Variants in XKR9 observed in about 807,000 individuals in gnomAD.
XKR9 encodes XK related 9, also known as XK-related protein 9.
XKR9 carries 32 observed loss-of-function variants against 32.0 expected under a neutral mutation model. The ratio of observed to expected loss-of-function variants is 1.00; its 90% CI spans 0.76 to 1.34. The LOEUF (loss-of-function observed/expected upper bound fraction) is 1.34, where lower values mean the gene tolerates loss of function less well. Ranked by LOEUF, XKR9 falls within the 40% of genes most tolerant of loss-of-function variation. XKR9 has a pLI of 0.00. For missense variants in XKR9, 546 were observed against 429.7 expected (o/e 1.27, Z -2.39); for synonymous variants, 168 against 143.4 (o/e 1.17, Z -1.22).
At chr8:70,767,844 T>C (rs1807399772) in intron 2 of XKR9, among the ~76,000 whole-genome samples, 1 of 152,086 alleles carries the variant, frequency 6.6e-6, no homozygotes, top group Admixed American at 6.6e-5. Flanking sequence ...GCTAGTGGCC[T>C]ATCTATTTTG....
chr8:70,877,923 A>T, the XKR9 span, among the ~76,000 whole-genome samples: 1 of 152,214 alleles, frequency 6.6e-6, no homozygotes, highest in East Asian at 1.9e-4. Context: ...AGGTCGAGTT[A>T]CTCACAAAGG....
At chr8:70,933,797 A>T in the XKR9 span, among the ~76,000 whole-genome samples, 1 of 152,064 alleles carries the variant, frequency 6.6e-6, no homozygotes, top group Non-Finnish European at 1.5e-5. Context: ...ACATCCACAC[A>T]AGAGTAGAAT....
At chr8:70,986,472 G>T in the XKR9 span, among the ~76,000 whole-genome samples, 1 of 152,172 alleles carries the variant, frequency 6.6e-6, no homozygotes, top group Non-Finnish European at 1.5e-5. Flanking sequence ...TCCTTGACCT[G>T]TGCAGAGTAA....
chr8:70,822,322 A>C, the XKR9 span, among the ~76,000 whole-genome samples: 1 of 152,012 alleles, frequency 6.6e-6, no homozygotes, highest in Admixed American at 6.6e-5. Context: ...TAGGGGTTTA[A>C]TTAGAGATTT....
At chr8:70,870,367 A>G in the XKR9 span, among the ~76,000 whole-genome samples, 9,586 of 152,306 alleles carry the variant, frequency 0.063, 422 homozygotes, top group Non-Finnish European at 0.089. Context: ...AAAAGTGACT[A>G]CATTCCAGAG....
At chr8:71,027,723 T>C in the XKR9 span, among the ~76,000 whole-genome samples, 5,137 of 151,268 alleles carry the variant, frequency 0.034, 118 homozygotes, top group South Asian at 0.074. Context: ...TCTTTTGTGG[T>C]TTCATATACA....
chr8:70,829,483 C>T, the XKR9 span, among the ~76,000 whole-genome samples: 3 of 152,318 alleles, frequency 2.0e-5, no homozygotes, highest in East Asian at 1.9e-4. Flanking sequence ...GAGTCTCGCC[C>T]TGTCTCCCAG....
At chr8:70,680,677 A>AC (rs1282162205) in intron 2 of XKR9, 104 bp from the exon 3 acceptor site, 1 of 155,856 alleles carries the variant, frequency 6.4e-6, no homozygotes, top group East Asian at 1.9e-4. Flanking sequence ...TTTAGTGGCA[A>AC]TATATTATTT....
At chr8:70,946,916 G>T in the XKR9 span, among the ~76,000 whole-genome samples, 2 of 152,156 alleles carry the variant, frequency 1.3e-5, no homozygotes, top group Non-Finnish European at 2.9e-5. Context: ...ATATGGAATG[G>T]GTCCAGAAGG....
At chr8:70,804,513 G>T in the XKR9 span, among the ~76,000 whole-genome samples, 1 of 152,150 alleles carries the variant, frequency 6.6e-6, no homozygotes, top group Non-Finnish European at 1.5e-5. Flanking sequence ...TACATGTAAA[G>T]CTTTTAGCAT....
chr8:70,910,696 CTG>C, the XKR9 span, among the ~76,000 whole-genome samples: 1 of 152,208 alleles, frequency 6.6e-6, no homozygotes, highest in Non-Finnish European at 1.5e-5. Context: ...TATTATCTCA[CTG>C]TTCTACAAGT....
chr8:70,793,363 A>AT (rs1225508941), downstream of XKR9, among the ~76,000 whole-genome samples: 1 of 152,064 alleles, frequency 6.6e-6, no homozygotes, highest in African/African-American at 2.4e-5. Flanking sequence ...TAATCAATGG[A>AT]TTAATGGATT....
intron 2 of XKR9, among the ~76,000 whole-genome samples, chr8:70,746,455 C>A (rs1398267500): frequency 1.4e-5 from 2 of 146,568 alleles, no homozygotes; most frequent in African/African-American, 2.5e-5. Context: ...ATGTATAAAA[C>A]ATATAAAATA....
chr8:70,818,424 C>A, the XKR9 span, among the ~76,000 whole-genome samples: 1 of 152,098 alleles, frequency 6.6e-6, no homozygotes, highest in Non-Finnish European at 1.5e-5. Flanking sequence ...TATGGACTAT[C>A]TTTTGCTTAG....
chr8:70,825,987 G>A, the XKR9 span, among the ~76,000 whole-genome samples: 3 of 151,872 alleles, frequency 2.0e-5, no homozygotes, highest in African/African-American at 4.8e-5. Flanking sequence ...AATTTATTTT[G>A]TAATCAATTT....
chr8:70,829,302 T>C, the XKR9 span, among the ~76,000 whole-genome samples: 14 of 98,820 alleles, frequency 1.4e-4, no homozygotes, highest in African/African-American at 3.9e-4. Context: ...ACAATGAACA[T>C]TTAATATGAC....
At chr8:71,059,345 T>A in the XKR9 span, among the ~76,000 whole-genome samples, 2 of 152,182 alleles carry the variant, frequency 1.3e-5, no homozygotes, top group African/African-American at 4.8e-5. Flanking sequence ...TCCCTTCCCC[T>A]TTGCCAGAAG....
the XKR9 span, among the ~76,000 whole-genome samples, chr8:71,042,304 G>A: frequency 2.0e-5 from 3 of 152,130 alleles, no homozygotes; most frequent in Non-Finnish European, 4.4e-5. Context: ...CATAAGAGAA[G>A]GAACAGTTGC....
chr8:70,859,265 A>G, the XKR9 span, among the ~76,000 whole-genome samples: 3 of 152,106 alleles, frequency 2.0e-5, no homozygotes, highest in Admixed American at 6.6e-5. Context: ...CACATTCCTA[A>G]TCATCAGAGA....
Sources: gnomAD v4.1 joint callset for allele counts (sites outside exome capture counted in the v4.1 genomes callset) on GRCh38, gnomAD v4.1.1 for gene constraint, MANE v1.5 for transcripts, NCBI Gene and HGNC (gene_info 2026-07-23, HGNC 2026-07-21) for gene names.